The following CNIH1 variants were observed in gnomAD, a reference collection of about 807,000 sequenced individuals.
CNIH1 encodes the protein protein cornichon homolog 1.
Under a neutral mutation model 20.2 loss-of-function variants are expected in CNIH1, and 12 were observed. The observed-to-expected ratio is 0.59, with a 90% CI of 0.38 to 0.96. The LOEUF (loss-of-function observed/expected upper bound fraction) is 0.96, where lower values mean the gene tolerates loss of function less well. Among genes scored for constraint, CNIH1 ranks in the 40% least tolerant of loss-of-function variants. The pLI, the probability that CNIH1 is intolerant of heterozygous loss-of-function variation, is 0.00. For missense variants in CNIH1, 152 were observed against 178.8 expected (o/e 0.85, Z 0.85); for synonymous variants, 69 against 63.3 (o/e 1.09, Z -0.43).
chr14:54,440,253 TCAAATTAA>T, intron 1 of CNIH1, among the ~76,000 whole-genome samples: 1 of 152,320 alleles, frequency 6.6e-6, no homozygotes, highest in South Asian at 2.1e-4. Context: ...ACGCGGTCAT[TCAAATTAA>T]AAGCAACATT....
At chr14:54,428,097 C>T (rs949778630) in intron 4 of CNIH1, among the ~76,000 whole-genome samples, 12 of 152,092 alleles carry the variant, frequency 7.9e-5, no homozygotes, top group Non-Finnish European at 1.5e-5. Context: ...AGCTTAATGG[C>T]GGATCAGAGC....
Position 54,427,789 on chromosome 14 carries a change from T to A in CNIH1, c.*25A>T. On this transcript the variant is annotated 3_prime_UTR_variant, in exon 5 of 5. Coordinates refer to ENST00000216416, the MANE Select transcript of CNIH1 (RefSeq NM_005776.3). ...TGGTGGCTTTTTGCATGCACTTAAC[T>A]GGACCAATTCTTCTGTGTGTTGTTC... The A allele has an allele frequency of 6.2e-7, 1 of 1,613,528 alleles. No individual in the cohort carries two copies. Among genetic ancestry groups the A allele is most frequent in the Non-Finnish European group, 8.5e-7 (1 of 1,179,756 alleles).
intron 2 of CNIH1, chr14:54,436,150 A>C: frequency 1.4e-6 from 1 of 704,434 alleles, no homozygotes. Context: ...TGTAAAAAGC[A>C]GATTGGAAGA....
At chr14:54,430,876 G>A (rs1454413175) in intron 3 of CNIH1, among the ~76,000 whole-genome samples, 1 of 152,032 alleles carries the variant, frequency 6.6e-6, no homozygotes, top group Admixed American at 6.6e-5. Flanking sequence ...CTGTAACCCA[G>A]GCTGCAATAT....
At chr14:54,436,192 C>T (rs1444026533) in intron 2 of CNIH1, 177 bp downstream of exon 2, 1 of 706,990 alleles carries the variant, frequency 1.4e-6, no homozygotes, top group Non-Finnish European at 2.6e-6. Context: ...AGATCACCAG[C>T]AGATTAATAA....
chr14:54,431,011 A>AG (rs1272284324), intron 3 of CNIH1, among the ~76,000 whole-genome samples: 3 of 151,576 alleles, frequency 2.0e-5, no homozygotes, highest in African/African-American at 7.3e-5. Flanking sequence ...TTTTTTGTAG[A>AG]GGGGGGTTTT....
At chr14:54,431,194 T>A (rs373686057) in intron 3 of CNIH1, among the ~76,000 whole-genome samples, 1 of 151,802 alleles carries the variant, frequency 6.6e-6, no homozygotes, top group African/African-American at 2.4e-5. Context: ...AGTGACACGA[T>A]CTTGGCTAAC....
chr14:54,436,490 C>A (rs1208818785), intron 1 of CNIH1, 53 bp from the exon 2 acceptor site: 2 of 909,624 alleles, frequency 2.2e-6, no homozygotes, highest in Non-Finnish European at 3.6e-6. Context: ...AAAGCAGCAA[C>A]AAACCTGCCC....
At position 54,428,333 on chromosome 14, in the gene CNIH1, A is replaced by G. The variant is rs551921931; in HGVS notation, c.408-492T>C. Among the ~76,000 whole-genome samples the G allele has an allele frequency of 9.2e-5, 14 of 152,346 alleles. No individual in the cohort carries two copies. The South Asian group carries it at 2.9e-3, about 32-fold the overall frequency. ...CCATTACAGAAAGGATCTAAGCAATAGCAACTTTTAGGAAGTGGTTAAAAA... is the reference window on the plus strand; with the variant it reads ...CCATTACAGAAAGGATCTAAGCAATGGCAACTTTTAGGAAGTGGTTAAAAA... On this transcript the variant is annotated intron_variant, in intron 4 of 4. Transcript: ENST00000216416.
At chr14:54,434,213 A>G (rs2031006110) in intron 2 of CNIH1, among the ~76,000 whole-genome samples, 1 of 152,238 alleles carries the variant, frequency 6.6e-6, no homozygotes, top group Non-Finnish European at 1.5e-5. Flanking sequence ...TGTCAGATGC[A>G]CTGCTATTCA....
At chr14:54,436,309 T>A (rs2031053358) in intron 2 of CNIH1, 60 bp downstream of exon 2, 1 of 1,004,674 alleles carries the variant, frequency 1.0e-6, no homozygotes, top group South Asian at 1.4e-5. Flanking sequence ...TTCAAATTAC[T>A]TCAAGTTAAA....
intron 3 of CNIH1, 23 bp downstream of exon 3, chr14:54,432,085 T>C (rs1199438565): frequency 1.6e-6 from 2 of 1,264,152 alleles, no homozygotes; most frequent in South Asian, 1.7e-5. Context: ...TAAAAAAATA[T>C]TAAAAGTGTA....
At chr14:54,438,751 T>C (rs1197320442) in intron 1 of CNIH1, among the ~76,000 whole-genome samples, 2 of 152,232 alleles carry the variant, frequency 1.3e-5, no homozygotes, top group Admixed American at 1.3e-4. Context: ...GTTTAACTCC[T>C]CCAAATCTCA....
At chr14:54,438,782 T>C (rs2031106657) in intron 1 of CNIH1, among the ~76,000 whole-genome samples, 1 of 152,176 alleles carries the variant, frequency 6.6e-6, no homozygotes, top group Non-Finnish European at 1.5e-5. Flanking sequence ...TGATCCCCAA[T>C]GTTGGAGGCG....
chr14:54,439,140 T>C (rs927526766), intron 1 of CNIH1, among the ~76,000 whole-genome samples: 4 of 152,172 alleles, frequency 2.6e-5, no homozygotes, highest in Admixed American at 2.6e-4. Flanking sequence ...TGGACTAAGA[T>C]ACTACCTAAG....
intron 1 of CNIH1, among the ~76,000 whole-genome samples, chr14:54,438,986 A>G (rs539302857): frequency 6.6e-6 from 1 of 152,252 alleles, no homozygotes; most frequent in South Asian, 2.1e-4. Flanking sequence ...CTCCCCCACC[A>G]TGAGTGGAAG....
At chr14:54,439,698 C>T (rs2031130366) in intron 1 of CNIH1, among the ~76,000 whole-genome samples, 1 of 152,090 alleles carries the variant, frequency 6.6e-6, no homozygotes, top group East Asian at 1.9e-4. Context: ...TACAGGCGCC[C>T]ACCACCATGC....
chr14:54,427,762 T>G lies in CNIH1; in HGVS notation c.*52A>C. 1 of 1,597,964 alleles carries G rather than the reference T, an allele frequency of 6.3e-7. No individual in the cohort carries two copies. Among genetic ancestry groups the G allele is most frequent in the South Asian group, 1.1e-5 (1 of 90,262 alleles). ...GATCTTGCTGGATAGAATCCCTTCA[T>G]TTGGTGGCTTTTTGCATGCACTTAA... On this transcript the variant is annotated 3_prime_UTR_variant, in exon 5 of 5. Transcript: ENST00000216416.
chr14:54,434,428 C>T (rs1321305305), intron 2 of CNIH1, among the ~76,000 whole-genome samples: 1 of 152,182 alleles, frequency 6.6e-6, no homozygotes, highest in Non-Finnish European at 1.5e-5. Flanking sequence ...AATACAAGAA[C>T]TTGAGCTTCA....
Sources: gnomAD v4.1 joint callset for allele counts (sites outside exome capture counted in the v4.1 genomes callset) on GRCh38, gnomAD v4.1.1 for gene constraint, MANE v1.5 for transcripts, NCBI Gene and HGNC (gene_info 2026-07-23, HGNC 2026-07-21) for gene names.